BICC1: variants seen among roughly 807,000 people sequenced by gnomAD.
BICC1 encodes protein bicaudal C homolog 1.
A neutral mutation model predicts 111.0 loss-of-function variants in BICC1; 43 were observed. The ratio of observed to expected loss-of-function variants is 0.39; its 90% CI spans 0.30 to 0.50. The LOEUF (loss-of-function observed/expected upper bound fraction) is 0.50. Among genes scored for constraint, BICC1 ranks in the 20% least tolerant of loss-of-function variants. The pLI is 0.88. For synonymous variants in BICC1, 467 were observed against 434.4 expected, an observed-to-expected ratio of 1.07 and a Z score of -0.93; for missense variants, 1,091 against 1,203.2, an observed-to-expected ratio of 0.91 and a Z score of 1.38.
intron 1 of BICC1, among the ~76,000 whole-genome samples, chr10:58,545,743 G>T (rs1226509057): frequency 6.6e-6 from 1 of 152,120 alleles, no homozygotes; most frequent in African/African-American, 2.4e-5. Context: ...AAGAGTGGAA[G>T]GGTGCAGTAT....
In BICC1 at chr10:58,760,131, A is replaced by G. The variant is rs1842269519; in HGVS notation, c.308-24870A>G. On this transcript the variant is annotated intron_variant, in intron 3 of 20. Coordinates refer to ENST00000373886, the MANE Select transcript of BICC1 (RefSeq NM_001080512.3). ...GGTTTTAATAGTAATTCCACTGTGA[A>G]TTTGTATGTTGTGGAATGAGAGAAT... is the stretch of plus-strand genomic sequence containing the variant. Among the ~76,000 whole-genome samples the G allele has an allele frequency of 2.0e-5, 3 of 152,108 alleles. 1 individual carries two copies. In the South Asian group the frequency reaches 6.2e-4, roughly 32 times the overall value.
chr10:58,727,973 T>C (rs1349395319), intron 3 of BICC1, among the ~76,000 whole-genome samples: 2 of 152,246 alleles, frequency 1.3e-5, no homozygotes, highest in Non-Finnish European at 2.9e-5. Context: ...AAAACCTTTT[T>C]TGCTAAAAAA....
chr10:58,580,001 T>C (rs1844233486), intron 1 of BICC1, among the ~76,000 whole-genome samples: 1 of 150,864 alleles, frequency 6.6e-6, no homozygotes, highest in Non-Finnish European at 1.5e-5. Context: ...TTAAGAACAC[T>C]TAACAAGAAA....
intron 1 of BICC1, among the ~76,000 whole-genome samples, chr10:58,590,829 A>G (rs1451496883): frequency 2.0e-5 from 3 of 152,198 alleles, no homozygotes; most frequent in Non-Finnish European, 2.9e-5. Flanking sequence ...ATCCACATAA[A>G]TAAAATAAGA....
At chr10:58,581,132 C>G (rs1262534109) in intron 1 of BICC1, among the ~76,000 whole-genome samples, 2 of 152,046 alleles carry the variant, frequency 1.3e-5, no homozygotes, top group Admixed American at 6.6e-5. Flanking sequence ...TAATAAGAAT[C>G]TCTTTGTAGC....
intron 11 of BICC1, 97 bp downstream of exon 11, chr10:58,798,657 A>G (rs1362593436): frequency 8.5e-7 from 1 of 1,175,268 alleles, no homozygotes; most frequent in East Asian, 2.6e-5. Flanking sequence ...TTAAGGCAAA[A>G]TTAGGGTTCA....
intron 3 of BICC1, among the ~76,000 whole-genome samples, chr10:58,763,152 T>A (rs1417061884): frequency 6.6e-6 from 1 of 152,200 alleles, no homozygotes; most frequent in Non-Finnish European, 1.5e-5. Flanking sequence ...GTGCACAAGA[T>A]TGACCATCCC....
chr10:58,674,571 T>C (rs1839282361), intron 2 of BICC1, among the ~76,000 whole-genome samples: 1 of 152,134 alleles, frequency 6.6e-6, no homozygotes, highest in African/African-American at 2.4e-5. Context: ...AGATGCATGA[T>C]TGTACAAAAG....
At chr10:58,828,397 C>T (rs550313533) in intron 20 of BICC1, among the ~76,000 whole-genome samples, 1 of 152,306 alleles carries the variant, frequency 6.6e-6, no homozygotes, top group African/African-American at 2.4e-5. Flanking sequence ...CTCCTTGCCT[C>T]TGAAATGACC....
intron 3 of BICC1, among the ~76,000 whole-genome samples, chr10:58,783,343 G>GT (rs372293920): frequency 1.1e-4 from 16 of 152,188 alleles, no homozygotes; most frequent in African/African-American, 2.6e-4. Context: ...CTAGCAGTGG[G>GT]TAGCTTTAAG....
intron 18 of BICC1, among the ~76,000 whole-genome samples, chr10:58,817,046 C>T (rs1844116316): frequency 6.6e-6 from 1 of 152,042 alleles, no homozygotes; most frequent in African/African-American, 2.4e-5. Context: ...TGTTTTGTGA[C>T]CTTGCTACCC....
At chr10:58,701,933 C>A (rs1328414488) in intron 2 of BICC1, 141 bp from the exon 3 acceptor site, 65 of 477,304 alleles carry the variant, frequency 1.4e-4, no homozygotes, top group East Asian at 5.2e-4. Context: ...TTTTTTTTTT[C>A]TTTGCATTGT....
chr10:58,809,765 A>G (rs1240797136), intron 17 of BICC1, among the ~76,000 whole-genome samples: 1 of 152,230 alleles, frequency 6.6e-6, no homozygotes, highest in African/African-American at 2.4e-5. Flanking sequence ...ATTATCTTAA[A>G]TCATATTCAT....
chr10:58,655,209 A>G (rs1588978621), intron 2 of BICC1, among the ~76,000 whole-genome samples: 1 of 145,874 alleles, frequency 6.9e-6, no homozygotes, highest in African/African-American at 2.5e-5. Flanking sequence ...GTTTTTTCCA[A>G]TTCTGTGAAG....
chr10:58,655,235 T>C (rs1838597163), intron 2 of BICC1, among the ~76,000 whole-genome samples: 1 of 147,322 alleles, frequency 6.8e-6, no homozygotes, highest in South Asian at 2.2e-4. Context: ...CATTCGTAGC[T>C]TTGTGGGGAT....
In BICC1 at chr10:58,794,344, C is replaced by T. The variant is rs566128626; in HGVS notation, c.1179+729C>T. 2.6e-5 allele frequency among the ~76,000 whole-genome samples: 4 copies of T among 151,710 alleles called. No individual in the cohort carries two copies. In the South Asian group the frequency reaches 8.3e-4, roughly 32 times the overall value. On this transcript the variant is annotated intron_variant, in intron 9 of 20. Coordinates refer to ENST00000373886, the MANE Select transcript of BICC1 (RefSeq NM_001080512.3). ...AAGGACTGAACTGTCTCAAGTTCAG[C>T]GTTCTTGGAATCTCTCCTCAGAGTG...
At chr10:58,566,159 TGTGTATATATACATATACACAC>T (rs989692262) in intron 1 of BICC1, among the ~76,000 whole-genome samples, 4 of 151,718 alleles carry the variant, frequency 2.6e-5, no homozygotes, top group African/African-American at 7.3e-5. Flanking sequence ...TGTGTGTGTG[TGTGTATATATACATATACACAC>T]GTGTGTATAT....
intron 3 of BICC1, among the ~76,000 whole-genome samples, chr10:58,769,404 G>GTGTGTGTGTATA (rs1050060686): frequency 9.1e-5 from 10 of 109,746 alleles, no homozygotes; most frequent in African/African-American, 3.2e-4. Flanking sequence ...GTGTGTGTGT[G>GTGTGTGTGTATA]TATATATATA....
At position 58,612,173 on chromosome 10, in the gene BICC1, A is replaced by T. The variant is rs1187134971; in HGVS notation, c.191-8682A>T. 5.9e-5 allele frequency among the ~76,000 whole-genome samples: 9 copies of T among 152,370 alleles called. No individual in the cohort carries two copies. The South Asian group carries it at 1.0e-3, about 18-fold the overall frequency. The stretch of plus-strand genomic sequence containing the variant: ...TTAGAGTATTTTAATGATGACTATG[A>T]TTTTAATTCAGAAGTGGAAGAAACT... On this transcript the variant is annotated intron_variant, in intron 1 of 20. Coordinates refer to ENST00000373886, the MANE Select transcript of BICC1 (RefSeq NM_001080512.3).
Sources: gnomAD v4.1 joint callset for allele counts (sites outside exome capture counted in the v4.1 genomes callset) on GRCh38, gnomAD v4.1.1 for gene constraint, MANE v1.5 for transcripts, NCBI Gene and HGNC (gene_info 2026-07-23, HGNC 2026-07-21) for gene names.